USP35: variants seen among roughly 807,000 people sequenced by gnomAD.
USP35 encodes the protein ubiquitin carboxyl-terminal hydrolase 35.
Under a neutral mutation model 83.8 loss-of-function variants are expected in USP35, and 69 were observed. That is an observed-to-expected ratio of 0.82 (90% CI 0.68 to 1.01). The LOEUF (loss-of-function observed/expected upper bound fraction) is 1.01. USP35 is among the 50% of genes least tolerant of loss of function. The pLI is 0.00. For missense variants in USP35, 1,503 were observed against 1,362.5 expected (o/e 1.10, Z -1.62); for synonymous variants, 714 against 589.5 (o/e 1.21, Z -3.06).
chr11:78,196,620 G>A lies in USP35; in HGVS notation c.375G>A (p.Arg125=). 1 of 1,301,622 alleles carries A rather than the reference G, an allele frequency of 7.7e-7. No individual in the cohort carries two copies. The highest frequency in any genetic ancestry group is 2.0e-5 in the South Asian group (1 of 50,768). The allele number at this position is 1,301,622 out of a possible 1,614,324, so 80.6% of individuals were successfully genotyped here. ...PAADEVFALL[R]REVLRTVCER... ...CCGACGAGGTGTTCGCGCTGCTGCG[G>A]CGCGAGGTGCTGCGCACCGTGTGCG... The change falls in exon 2 of 11, where the codon CGG becomes CGA. Residue 125 remains arginine, a synonymous_variant. Coordinates refer to ENST00000529308, the MANE Select transcript of USP35 (RefSeq NM_020798.4). This position sits in a 1 kb window ranked among gnomAD's most constrained non-coding sequence, Gnocchi z 4.8.
Position 78,199,616 on chromosome 11 carries a change from G to A in USP35, c.828G>A (p.Trp276Ter). The A allele has an allele frequency of 1.2e-6, 2 of 1,614,216 alleles. No individual in the cohort carries two copies. Among genetic ancestry groups the A allele is most frequent in the Non-Finnish European group, 1.7e-6 (2 of 1,180,016 alleles). Residue 276 changes from tryptophan to a stop codon, truncating the protein, a stop_gained, in exon 4 of 11, where the codon TGG becomes TGA. Transcript: ENST00000529308. LOFTEE classifies it high-confidence loss of function. ...AISRMIDWVS[W>*]PLGKNIDKWI... ...CCAGGATGATTGACTGGGTGTCCTGGCCCCTGGGGAAGAATATTGACAAGT... is the reference window on the plus strand; with the variant it reads ...CCAGGATGATTGACTGGGTGTCCTGACCCCTGGGGAAGAATATTGACAAGT...
intron 5 of USP35, 48 bp from the exon 6 acceptor site, chr11:78,200,601 CT>C: frequency 6.4e-7 from 1 of 1,558,676 alleles, no homozygotes; most frequent in East Asian, 2.3e-5. Context: ...AGCCCCGTGT[CT>C]CAGGTGGGCG....
At chr11:78,212,493 G>T (rs1291834514) in intron 10 of USP35, among the ~76,000 whole-genome samples, 2 of 152,166 alleles carry the variant, frequency 1.3e-5, no homozygotes, top group Non-Finnish European at 2.9e-5. Context: ...AGTTTAACGG[G>T]AATAGCATTG....
intron 7 of USP35, among the ~76,000 whole-genome samples, chr11:78,206,755 T>C (rs1424885649): frequency 1.3e-5 from 2 of 152,240 alleles, no homozygotes; most frequent in East Asian, 3.8e-4. Context: ...ATGCTGTGTA[T>C]GTTTCTAAGT....
At chr11:78,215,316 C>CTT (rs1013647147), downstream of USP35, 3 of 152,564 alleles carry the variant, frequency 2.0e-5, no homozygotes, top group African/African-American at 4.8e-5. Context: ...TTCTAGTGGA[C>CTT]TTTATTGTCC....
chr11:78,193,497 G>T (rs1390684203), intron 1 of USP35, among the ~76,000 whole-genome samples: 2 of 151,658 alleles, frequency 1.3e-5, no homozygotes. Flanking sequence ...GAGCCACTGT[G>T]CCCAGCTGGG....
chr11:78,190,765 G>C (rs540038237), intron 1 of USP35, among the ~76,000 whole-genome samples: 48 of 152,324 alleles, frequency 3.2e-4, no homozygotes, highest in Non-Finnish European at 4.6e-4. Flanking sequence ...GGGCATTGAA[G>C]GGTGAGTCAG....
At chr11:78,229,398 G>A in the USP35 span, among the ~76,000 whole-genome samples, 2 of 152,190 alleles carry the variant, frequency 1.3e-5, no homozygotes, top group African/African-American at 4.8e-5. Flanking sequence ...GGAACGGGGA[G>A]CCTCTGAAGG....
chr11:78,203,412 G>A (rs775366749), intron 6 of USP35, among the ~76,000 whole-genome samples: 2 of 152,038 alleles, frequency 1.3e-5, no homozygotes, highest in Non-Finnish European at 2.9e-5. Flanking sequence ...TGCACCACTC[G>A]GCTAGATCTG....
intron 8 of USP35, among the ~76,000 whole-genome samples, chr11:78,207,843 T>TC (rs1449671804): frequency 6.6e-6 from 1 of 152,232 alleles, no homozygotes; most frequent in Non-Finnish European, 1.5e-5. Flanking sequence ...TGCTGCCCAA[T>TC]CTTTCCCTTT....
intron 8 of USP35, among the ~76,000 whole-genome samples, chr11:78,208,098 T>C (rs1463102084): frequency 6.6e-6 from 1 of 152,162 alleles, no homozygotes; most frequent in African/African-American, 2.4e-5. Flanking sequence ...CTCACCCTTT[T>C]ATCAGGAACC....
chr11:78,211,879 T>G (rs1427913189), intron 10 of USP35, among the ~76,000 whole-genome samples: 3 of 152,220 alleles, frequency 2.0e-5, no homozygotes, highest in South Asian at 2.1e-4. Flanking sequence ...AAATTTTTTT[T>G]CATTCTGTAG....
At chr11:78,199,412 G>A (rs1421181374) in intron 3 of USP35, 183 bp from the exon 4 acceptor site, 2 of 844,398 alleles carry the variant, frequency 2.4e-6, no homozygotes, top group Non-Finnish European at 3.7e-6. Flanking sequence ...TGTCTGGCAG[G>A]TGGCTGTGCT....
chr11:78,223,719 A>G, the USP35 span: 1 of 1,504,178 alleles, frequency 6.6e-7, no homozygotes, highest in Non-Finnish European at 9.0e-7. Flanking sequence ...GTTACTAGCA[A>G]GAAGAAACAG....
At chr11:78,222,081 C>G in the USP35 span, 9 of 1,509,252 alleles carry the variant, frequency 6.0e-6, no homozygotes, top group Non-Finnish European at 8.3e-6. Context: ...CTCCAAGCTC[C>G]CACCCCCACA....
intron 10 of USP35, 87 bp downstream of exon 10, chr11:78,210,831 T>C: frequency 2.2e-6 from 3 of 1,367,752 alleles, no homozygotes; most frequent in South Asian, 3.0e-5. Flanking sequence ...ATTTCCCCTC[T>C]AAGTCTTTTT....
the USP35 span, among the ~76,000 whole-genome samples, chr11:78,222,758 T>A: frequency 6.6e-6 from 1 of 152,036 alleles, no homozygotes; most frequent in Admixed American, 6.6e-5. Flanking sequence ...AATTTTTATA[T>A]TTTTAGTAGA....
intron 6 of USP35, 38 bp downstream of exon 6, chr11:78,200,846 TGACAAAGGTACCA>T: frequency 1.9e-6 from 3 of 1,562,320 alleles, no homozygotes; most frequent in Non-Finnish European, 2.6e-6. Flanking sequence ...TGCCCCACTC[TGACAAAGGTACCA>T]GTGTGGGCCT....
downstream of USP35, chr11:78,219,521 G>A: frequency 1.1e-5 from 11 of 1,031,778 alleles, no homozygotes; most frequent in South Asian, 1.6e-4. Context: ...GGGGAGAAGA[G>A]CATGGCCTCT....
Sources: gnomAD v4.1 joint callset for allele counts (sites outside exome capture counted in the v4.1 genomes callset) on GRCh38, gnomAD v4.1.1 for gene constraint, Gnocchi (gnomAD v3.1) non-coding constraint, MANE v1.5 for transcripts, NCBI Gene and HGNC (gene_info 2026-07-23, HGNC 2026-07-21) for gene names.